Variants in ASTN2 observed in about 807,000 individuals in gnomAD.
ASTN2 encodes the protein astrotactin-2.
Under a neutral mutation model 139.8 loss-of-function variants are expected in ASTN2, and 54 were observed. The ratio of observed to expected loss-of-function variants is 0.39; its 90% CI spans 0.31 to 0.48. The LOEUF (loss-of-function observed/expected upper bound fraction) is 0.48. Among genes scored for constraint, ASTN2 ranks in the 20% least tolerant of loss-of-function variants. The pLI, the probability that ASTN2 is intolerant of heterozygous loss-of-function variation, is 0.95. For missense variants in ASTN2, 1,565 were observed against 1,725.1 expected (o/e 0.91, Z 1.64); for synonymous variants, 756 against 719.5 (o/e 1.05, Z -0.81).
At chr9:117,314,410 C>A (rs1828070310) in intron 1 of ASTN2, among the ~76,000 whole-genome samples, 1 of 151,978 alleles carries the variant, frequency 6.6e-6, no homozygotes, top group African/African-American at 2.4e-5. Flanking sequence ...TCTCTTGTGC[C>A]AAGATCTAAA....
chr9:117,140,827 C>T (rs1357670123), intron 4 of ASTN2, among the ~76,000 whole-genome samples: 1 of 152,088 alleles, frequency 6.6e-6, no homozygotes, highest in African/African-American at 2.4e-5. Context: ...AGTGATTTGC[C>T]CTGAGTGACA....
At chr9:117,009,950 T>C (rs1433384985) in intron 6 of ASTN2, among the ~76,000 whole-genome samples, 1 of 152,134 alleles carries the variant, frequency 6.6e-6, no homozygotes, top group Non-Finnish European at 1.5e-5. Flanking sequence ...CTGGAAATAG[T>C]AAGGGTATGA....
intron 1 of ASTN2, among the ~76,000 whole-genome samples, chr9:117,393,343 G>A (rs993202849): frequency 6.6e-6 from 1 of 152,112 alleles, no homozygotes; most frequent in African/African-American, 2.4e-5. Flanking sequence ...CAGAGACTGA[G>A]AGAAAGTGAT....
intron 10 of ASTN2, among the ~76,000 whole-genome samples, chr9:116,973,146 C>T (rs911503653): frequency 2.6e-5 from 4 of 152,070 alleles, no homozygotes; most frequent in Admixed American, 6.5e-5. Flanking sequence ...TGAAATGTGG[C>T]TTCATCTCTT....
intron 10 of ASTN2, among the ~76,000 whole-genome samples, chr9:116,973,614 T>G (rs1465743997): frequency 6.6e-6 from 1 of 152,224 alleles, no homozygotes; most frequent in Non-Finnish European, 1.5e-5. Flanking sequence ...GGTAACTGTG[T>G]CTTTTTGAGA....
chr9:117,039,721 T>C lies in ASTN2; in HGVS notation c.1423+98A>G, dbSNP rs956467253. 10 of 1,312,472 alleles carry C rather than the reference T, an allele frequency of 7.6e-6. No individual in the cohort carries two copies. The African/African-American group carries it at 8.9e-5, about 12-fold the overall frequency. The allele number at this position is 1,312,472 out of a possible 1,614,324, so 81.3% of individuals were successfully genotyped here. Reference sequence around the variant, plus strand: ...TTTTTTCCTCCTGTAATATATGTAATAGTAATTCTAAGGTTTGGCCATACA... The same window carrying C: ...TTTTTTCCTCCTGTAATATATGTAACAGTAATTCTAAGGTTTGGCCATACA... On this transcript the variant is annotated intron_variant, in intron 6 of 22. Transcript: ENST00000313400.
chr9:117,282,190 C>T (rs1414577105), intron 2 of ASTN2, among the ~76,000 whole-genome samples: 1 of 152,172 alleles, frequency 6.6e-6, no homozygotes, highest in Non-Finnish European at 1.5e-5. Context: ...CTTTATTTCT[C>T]TCCGTCTCTA....
chr9:116,431,362 G>C (rs184087318), intron 22 of ASTN2, among the ~76,000 whole-genome samples: 1 of 152,230 alleles, frequency 6.6e-6, no homozygotes, highest in Non-Finnish European at 1.5e-5. Context: ...GAGAATTGAG[G>C]ACATGATGTG....
At chr9:116,702,158 G>A (rs184312771) in intron 16 of ASTN2, among the ~76,000 whole-genome samples, 2 of 152,218 alleles carry the variant, frequency 1.3e-5, no homozygotes, top group East Asian at 1.9e-4. Context: ...CCTTGGGCAA[G>A]TCATTTAACT....
At chr9:116,788,146 T>C (rs1172179510) in intron 13 of ASTN2, among the ~76,000 whole-genome samples, 1 of 152,064 alleles carries the variant, frequency 6.6e-6, no homozygotes, top group Non-Finnish European at 1.5e-5. Flanking sequence ...ATGGTGGTTA[T>C]CAGAGGCAGG....
At chr9:116,645,463 G>A (rs985482398) in intron 17 of ASTN2, among the ~76,000 whole-genome samples, 3 of 152,144 alleles carry the variant, frequency 2.0e-5, no homozygotes, top group African/African-American at 7.2e-5. Flanking sequence ...TCACTGGAAT[G>A]TACCTAAGGA....
chr9:117,154,787 T>A (rs1245971371), intron 3 of ASTN2, among the ~76,000 whole-genome samples: 1 of 152,046 alleles, frequency 6.6e-6, no homozygotes, highest in Non-Finnish European at 1.5e-5. Flanking sequence ...ACAATGACAT[T>A]GATGTTCTGA....
chr9:116,560,220 C>A (rs1852835465), intron 19 of ASTN2, among the ~76,000 whole-genome samples: 1 of 152,166 alleles, frequency 6.6e-6, no homozygotes, highest in African/African-American at 2.4e-5. Flanking sequence ...AATTCATTCT[C>A]CACATAACAG....
chr9:117,086,859 G>A (rs1390518206), intron 5 of ASTN2, among the ~76,000 whole-genome samples: 1 of 152,112 alleles, frequency 6.6e-6, no homozygotes, highest in Non-Finnish European at 1.5e-5. Flanking sequence ...TCCCTGCAGG[G>A]TAGGGAGTAG....
At chr9:117,149,380 G>C (rs1830275826) in intron 3 of ASTN2, among the ~76,000 whole-genome samples, 2 of 152,016 alleles carry the variant, frequency 1.3e-5, no homozygotes, top group South Asian at 4.2e-4. Context: ...TAGAAGGATA[G>C]AGAATACATA....
intron 3 of ASTN2, among the ~76,000 whole-genome samples, chr9:117,152,280 C>T (rs1323903098): frequency 3.9e-5 from 6 of 152,138 alleles, no homozygotes; most frequent in Admixed American, 3.9e-4. Context: ...AGTCAAAGCT[C>T]AATAAATACT....
chr9:117,065,148 T>C (rs1272339280), intron 5 of ASTN2, among the ~76,000 whole-genome samples: 1 of 152,042 alleles, frequency 6.6e-6, no homozygotes, highest in Non-Finnish European at 1.5e-5. Context: ...TGCTGACAGC[T>C]CCAGGAGGCT....
At chr9:116,992,979 C>G (rs1307169893) in intron 7 of ASTN2, among the ~76,000 whole-genome samples, 1 of 152,174 alleles carries the variant, frequency 6.6e-6, no homozygotes, top group Non-Finnish European at 1.5e-5. Context: ...CATCAGTCTT[C>G]CCCATCAGTC....
chr9:116,897,805 G>T, intron 10 of ASTN2, among the ~76,000 whole-genome samples: 1 of 152,026 alleles, frequency 6.6e-6, no homozygotes, highest in East Asian at 1.9e-4. Flanking sequence ...CTATGGGTAG[G>T]TTACATATCT....
Sources: gnomAD v4.1 joint callset for allele counts (sites outside exome capture counted in the v4.1 genomes callset) on GRCh38, gnomAD v4.1.1 for gene constraint, MANE v1.5 for transcripts, NCBI Gene and HGNC (gene_info 2026-07-23, HGNC 2026-07-21) for gene names.